The following MBD5 variants were observed in gnomAD, a reference collection of about 807,000 sequenced individuals.
The protein encoded by MBD5 is methyl-CpG-binding domain protein 5.
In MBD5, 13 loss-of-function variants were observed where a neutral mutation model predicts 117.3. The ratio of observed to expected loss-of-function variants is 0.11; its 90% CI spans 0.07 to 0.18. The LOEUF (loss-of-function observed/expected upper bound fraction) is 0.18, where lower values mean the gene tolerates loss of function less well. Among genes scored for constraint, MBD5 ranks in the 10% least tolerant of loss-of-function variants. The pLI is 1.00. For missense variants in MBD5, 1,879 were observed against 2,093.8 expected (o/e 0.90, Z 2.00); for synonymous variants, 727 against 766.4 (o/e 0.95, Z 0.85).
At chr2:148,037,175 G>A (rs1276739608) in intron 1 of MBD5, among the ~76,000 whole-genome samples, 2 of 151,710 alleles carry the variant, frequency 1.3e-5, no homozygotes, top group South Asian at 4.2e-4. Context: ...TTACATAAAG[G>A]CCACTTTTAT....
chr2:148,418,562 CATTGGTA>C, intron 4 of MBD5, among the ~76,000 whole-genome samples: 1 of 152,234 alleles, frequency 6.6e-6, no homozygotes, highest in Middle Eastern at 3.4e-3. Flanking sequence ...AAATCAGTAG[CATTGGTA>C]TAAACCAAAA....
intron 3 of MBD5, among the ~76,000 whole-genome samples, chr2:148,234,130 C>T (rs1700045461): frequency 6.6e-6 from 1 of 151,864 alleles, no homozygotes; most frequent in Non-Finnish European, 1.5e-5. Flanking sequence ...TTTTTTTCTA[C>T]ATTCATGAAA....
At chr2:148,131,292 C>A (rs540609687) in intron 1 of MBD5, among the ~76,000 whole-genome samples, 2 of 152,032 alleles carry the variant, frequency 1.3e-5, no homozygotes, top group Admixed American at 1.3e-4. Flanking sequence ...TACCTAGATA[C>A]GCTGTATGAC....
rs561089077 is a variant in MBD5 at position 148,070,277 on chromosome 2, G to A, written c.-925+48593G>A. Among the ~76,000 whole-genome samples the A allele has an allele frequency of 3.3e-5, 5 of 152,274 alleles. No individual in the cohort carries two copies. The South Asian group carries it at 6.2e-4, about 19-fold the overall frequency. Reference sequence around the variant, plus strand: ...TCTATCCATGTTGCTGCAAATGACAGGATTTCATTCTTTTTTATGCCAAGT... The same window carrying A: ...TCTATCCATGTTGCTGCAAATGACAAGATTTCATTCTTTTTTATGCCAAGT... On this transcript the variant is annotated intron_variant, in intron 1 of 13. Coordinates refer to ENST00000642680, the MANE Select transcript of MBD5 (RefSeq NM_001378120.1).
intron 4 of MBD5, among the ~76,000 whole-genome samples, chr2:148,379,786 T>C (rs1045306336): frequency 3.3e-5 from 5 of 151,972 alleles, no homozygotes; most frequent in Admixed American, 6.6e-5. Context: ...CCTAGTAAGA[T>C]TTCCAAGGTA....
chr2:148,365,687 A>G (rs35630407), intron 4 of MBD5, among the ~76,000 whole-genome samples: 76,258 of 152,014 alleles, frequency 0.5, 19,430 homozygotes, highest in East Asian at 0.75. Flanking sequence ...CTATCAGATA[A>G]TACTATAAAC....
intron 1 of MBD5, among the ~76,000 whole-genome samples, chr2:148,139,355 C>T (rs1697252148): frequency 6.6e-6 from 1 of 152,040 alleles, no homozygotes; most frequent in Non-Finnish European, 1.5e-5. Context: ...TACAGGCATG[C>T]GCCACCACGC....
chr2:148,231,586 T>C (rs1008020454), intron 2 of MBD5, among the ~76,000 whole-genome samples: 4 of 152,064 alleles, frequency 2.6e-5, no homozygotes, highest in African/African-American at 9.7e-5. Flanking sequence ...ATGTCCTTGC[T>C]TGGAGGGACA....
chr2:148,226,084 G>A lies in MBD5; in HGVS notation c.-830-7161G>A, dbSNP rs190698210. ...ACCTTCTCTTCAAGGCCAATAACTC[G>A]TAGATTTGCCATTTTGAGGCTATTT... On this transcript the variant is annotated intron_variant, in intron 2 of 13. Coordinates refer to ENST00000642680, the MANE Select transcript of MBD5 (RefSeq NM_001378120.1). Among the ~76,000 whole-genome samples the A allele has an allele frequency of 3.6e-3, 540 of 150,890 alleles. 1 individual carries two copies. Among genetic ancestry groups the A allele is most frequent in the African/African-American group, 0.012 (511 of 41,168 alleles).
chr2:148,127,916 A>G (rs1696941960), intron 1 of MBD5, among the ~76,000 whole-genome samples: 1 of 152,112 alleles, frequency 6.6e-6, no homozygotes, highest in South Asian at 2.1e-4. Context: ...ACTTTTTAAT[A>G]ATCACCATTT....
chr2:148,497,055 CATAT>C (rs567522914), intron 11 of MBD5, among the ~76,000 whole-genome samples: 179 of 151,738 alleles, frequency 1.2e-3, no homozygotes, highest in African/African-American at 3.9e-3. Flanking sequence ...ATTTTAAAAA[CATAT>C]ATATTATTTT....
At chr2:148,266,216 C>T (rs1428479647) in intron 3 of MBD5, among the ~76,000 whole-genome samples, 1 of 151,972 alleles carries the variant, frequency 6.6e-6, no homozygotes, top group Non-Finnish European at 1.5e-5. Context: ...TTGAGGAATT[C>T]AAAAGTAGTT....
chr2:148,373,140 T>G (rs976108339), intron 4 of MBD5, among the ~76,000 whole-genome samples: 3 of 152,240 alleles, frequency 2.0e-5, no homozygotes, highest in African/African-American at 7.2e-5. Context: ...AATGAAAAAT[T>G]GAAAGTCAGT....
chr2:148,510,049 A>G lies in MBD5; in HGVS notation c.5037-11A>G. 6.3e-7 allele frequency: 1 copy of G among 1,595,642 alleles called. No homozygotes were observed. Among genetic ancestry groups the G allele is most frequent in the Non-Finnish European group, 8.6e-7 (1 of 1,163,736 alleles). ...TTTTTTAATCTGGTGTGTTGTTTTC[A>G]TTAATTCCAGAAGTGGAAAGCTAAA... On this transcript the variant is annotated splice_polypyrimidine_tract_variant and intron_variant, in intron 12 of 13. Coordinates refer to ENST00000642680, the MANE Select transcript of MBD5 (RefSeq NM_001378120.1).
At chr2:148,381,943 G>T (rs1704158839) in intron 4 of MBD5, among the ~76,000 whole-genome samples, 1 of 152,094 alleles carries the variant, frequency 6.6e-6, no homozygotes, top group Non-Finnish European at 1.5e-5. Context: ...TGCCCTAAAA[G>T]AGCTCCTGAA....
At position 148,490,345 on chromosome 2, in the gene MBD5, A is replaced by G. The variant is rs1470745744; in HGVS notation, c.4713A>G (p.Gly1571=). ...SLVKDYIHYN[G]DFNAKSVNGC... is the part of the protein sequence containing the mutation. ...TCAAAGACTACATCCATTACAATGGAGACTTTAATGCCAAAAGCGTTAATG... is the reference window on the plus strand; with the variant it reads ...TCAAAGACTACATCCATTACAATGGGGACTTTAATGCCAAAAGCGTTAATG... The change falls in exon 11 of 14, where the codon GGA becomes GGG. Residue 1571 remains glycine, a synonymous_variant. Transcript: ENST00000642680. 7.4e-6 allele frequency: 12 copies of G among 1,614,092 alleles called. No individual in the cohort carries two copies. The highest frequency in any genetic ancestry group is 1.0e-5 in the Non-Finnish European group (12 of 1,180,054).
chr2:148,324,465 A>G (rs1035894423), intron 3 of MBD5, among the ~76,000 whole-genome samples: 11 of 152,230 alleles, frequency 7.2e-5, no homozygotes, highest in African/African-American at 2.2e-4. Context: ...CTTCCTACCC[A>G]TGAGCATGGA....
intron 3 of MBD5, among the ~76,000 whole-genome samples, chr2:148,297,803 T>A (rs1344549597): frequency 6.6e-6 from 1 of 152,178 alleles, no homozygotes; most frequent in Non-Finnish European, 1.5e-5. Context: ...GATACTAGCC[T>A]CCTTTTGCAT....
chr2:148,164,217 A>C (rs1025700002), intron 1 of MBD5, among the ~76,000 whole-genome samples: 1 of 152,192 alleles, frequency 6.6e-6, no homozygotes. Context: ...CTATAACTCC[A>C]AGCTCAAAGC....
Sources: gnomAD v4.1 joint callset for allele counts (sites outside exome capture counted in the v4.1 genomes callset) on GRCh38, gnomAD v4.1.1 for gene constraint, MANE v1.5 for transcripts, NCBI Gene and HGNC (gene_info 2026-07-23, HGNC 2026-07-21) for gene names.